PPP1R12A: variants seen among roughly 807,000 people sequenced by gnomAD.
The protein encoded by PPP1R12A is protein phosphatase 1 regulatory subunit 12A.
A neutral mutation model predicts 139.6 loss-of-function variants in PPP1R12A; 19 were observed. That is an observed-to-expected ratio of 0.14 (90% CI 0.09 to 0.20). The LOEUF (loss-of-function observed/expected upper bound fraction) is 0.20. PPP1R12A is among the 10% of genes least tolerant of loss of function. The probability of loss-of-function intolerance (pLI) is 1.00; values close to 1 mark genes in which losing one functional copy is unlikely to be tolerated. For synonymous variants in PPP1R12A, 427 were observed against 420.6 expected (o/e 1.02, Z -0.19); for missense variants, 925 against 1,211.5 (o/e 0.76, Z 3.51).
chr12:79,822,198 G>C lies in PPP1R12A; in HGVS notation c.793-8C>G. On this transcript the variant is annotated splice_polypyrimidine_tract_variant and splice_region_variant and intron_variant, in intron 5 of 24. Transcript: ENST00000450142. ...ATCAAAGGCTGTTTGGCCCTACGTA[G>C]GAAACAAGGGGGGATGGTGATGGTC... The C allele has an allele frequency of 3.2e-6, 5 of 1,565,728 alleles. No homozygotes were observed. Among genetic ancestry groups the C allele is most frequent in the Non-Finnish European group, 4.4e-6 (5 of 1,146,310 alleles).
Position 79,797,360 on chromosome 12 carries a change from T to C in PPP1R12A, c.2127A>G (p.Lys709=), listed in dbSNP as rs557689869. 29 of 1,603,394 alleles carry C rather than the reference T, an allele frequency of 1.8e-5. No homozygotes were observed. In the Admixed American group the frequency reaches 2.6e-4, roughly 14 times the overall value. The change falls in exon 16 of 25, where the codon AAA becomes AAG. Residue 709 remains lysine, a synonymous_variant. Coordinates refer to ENST00000450142, the MANE Select transcript of PPP1R12A (RefSeq NM_002480.3). ...GGGTAGAACGACTTCTTCCTATTGT[T>C]TTCTCAGCTTCTTGAAGATCAGTTA... ...VTLTDLQEAE[K]TIGRSRSTRT... is the part of the protein sequence containing the mutation.
At chr12:79,850,515 T>TG (rs1438426941) in intron 2 of PPP1R12A, among the ~76,000 whole-genome samples, 1 of 152,216 alleles carries the variant, frequency 6.6e-6, no homozygotes, top group Non-Finnish European at 1.5e-5. Flanking sequence ...AGAAAAACTT[T>TG]GTCTTTAAAC....
chr12:79,798,803 T>C (rs1474286732), intron 14 of PPP1R12A, among the ~76,000 whole-genome samples: 1 of 152,158 alleles, frequency 6.6e-6, no homozygotes, highest in Non-Finnish European at 1.5e-5. Flanking sequence ...AACATCACAT[T>C]TTAACTTCCT....
intron 5 of PPP1R12A, chr12:79,824,034 T>C (rs1876468473): frequency 1.3e-5 from 2 of 152,220 alleles, no homozygotes; most frequent in Admixed American, 6.5e-5. Context: ...AGAGACAATC[T>C]ATCCTTTCCC....
intron 3 of PPP1R12A, among the ~76,000 whole-genome samples, chr12:79,843,038 C>T (rs1240756568): frequency 6.6e-6 from 1 of 152,046 alleles, no homozygotes; most frequent in Non-Finnish European, 1.5e-5. Context: ...TATGTAGAAT[C>T]ATTTGTTTTT....
intron 2 of PPP1R12A, among the ~76,000 whole-genome samples, chr12:79,861,915 C>A (rs1206182695): frequency 6.6e-6 from 1 of 152,210 alleles, no homozygotes; most frequent in East Asian, 1.9e-4. Context: ...CAGACAGCTT[C>A]TCCAGACTTA....
intron 2 of PPP1R12A, 106 bp downstream of exon 2, chr12:79,872,702 G>A (rs1004728743): frequency 1.7e-6 from 2 of 1,201,890 alleles, no homozygotes; most frequent in African/African-American, 3.1e-5. Flanking sequence ...TAATTTTCAT[G>A]AATTAAAGTA....
intron 1 of PPP1R12A, among the ~76,000 whole-genome samples, chr12:79,885,884 T>C (rs1024781727): frequency 3.9e-5 from 6 of 152,174 alleles, no homozygotes; most frequent in Non-Finnish European, 7.3e-5. Context: ...TTGTTAGAGA[T>C]AGTGTCTCAC....
Position 79,873,083 on chromosome 12 carries a change from C to A in PPP1R12A, c.238-145G>T, listed in dbSNP as rs1201209115. Reference sequence around the variant, plus strand: ...ATCTGCTGCTATCTTGACTATACTCCATCAAACATGCTAATGACACTAAAT... The same window carrying A: ...ATCTGCTGCTATCTTGACTATACTCAATCAAACATGCTAATGACACTAAAT... On this transcript the variant is annotated intron_variant, in intron 1 of 24. Coordinates refer to ENST00000450142, the MANE Select transcript of PPP1R12A (RefSeq NM_002480.3). 1.2e-5 allele frequency: 11 copies of A among 935,012 alleles called. No individual in the cohort carries two copies. The East Asian group carries it at 2.9e-4, about 25-fold the overall frequency. The allele number at this position is 935,012 out of a possible 1,614,324, so 57.9% of individuals were successfully genotyped here.
intron 24 of PPP1R12A, chr12:79,777,641 T>C (rs999917854): frequency 1.0e-6 from 1 of 984,648 alleles, no homozygotes; most frequent in Non-Finnish European, 1.2e-6. Flanking sequence ...TTTGCTTTAT[T>C]TGGTGCAGGT....
chr12:79,817,180 G>A (rs1875509952), intron 9 of PPP1R12A, among the ~76,000 whole-genome samples: 1 of 151,924 alleles, frequency 6.6e-6, no homozygotes, highest in African/African-American at 2.4e-5. Flanking sequence ...ACTACCAACT[G>A]TAATATCAAC....
intron 3 of PPP1R12A, among the ~76,000 whole-genome samples, chr12:79,836,374 C>A (rs1878083703): frequency 6.6e-6 from 1 of 152,024 alleles, no homozygotes; most frequent in Admixed American, 6.6e-5. Flanking sequence ...TTTTATCCCT[C>A]CTTTCATTAC....
At chr12:79,817,551 C>A in intron 8 of PPP1R12A, 33 bp from the exon 9 acceptor site, 1 of 1,542,348 alleles carries the variant, frequency 6.5e-7, no homozygotes, top group African/African-American at 1.4e-5. Context: ...AGTCAAGATT[C>A]CATATATATT....
At chr12:79,799,157 G>GT (rs532142886) in intron 14 of PPP1R12A, among the ~76,000 whole-genome samples, 63 of 150,338 alleles carry the variant, frequency 4.2e-4, no homozygotes, top group East Asian at 4.1e-3. Context: ...TGTTTGTTTT[G>GT]TTTTTTTTTG....
chr12:79,846,195 T>G (rs1048717281), intron 2 of PPP1R12A, among the ~76,000 whole-genome samples: 1 of 152,242 alleles, frequency 6.6e-6, no homozygotes, highest in African/African-American at 2.4e-5. Context: ...ACAAATATAT[T>G]TTTTAAATAT....
chr12:79,827,089 G>T (rs567060833), intron 5 of PPP1R12A, among the ~76,000 whole-genome samples: 49 of 152,158 alleles, frequency 3.2e-4, no homozygotes, highest in Non-Finnish European at 6.8e-4. Flanking sequence ...CCTTTTACTT[G>T]AATAGTATCA....
intron 1 of PPP1R12A, among the ~76,000 whole-genome samples, chr12:79,882,909 C>T (rs12322845): frequency 0.11 from 16,843 of 151,994 alleles, 1,762 homozygotes; most frequent in African/African-American, 0.27. Flanking sequence ...GAGGCCGAGG[C>T]GGGAGGATCA....
At chr12:79,853,102 A>G (rs929006888) in intron 2 of PPP1R12A, among the ~76,000 whole-genome samples, 5 of 152,204 alleles carry the variant, frequency 3.3e-5, no homozygotes, top group Non-Finnish European at 7.3e-5. Context: ...CAGCTTGGTG[A>G]GGATGGAAAT....
chr12:79,791,467 C>G (rs1592618531), intron 19 of PPP1R12A, among the ~76,000 whole-genome samples: 1 of 152,238 alleles, frequency 6.6e-6, no homozygotes, highest in Admixed American at 6.5e-5. Context: ...GCTGGGACTA[C>G]AGGCATGCAC....
Sources: allele counts gnomAD v4.1 joint callset (sites outside exome capture counted in the v4.1 genomes callset), GRCh38; gene constraint gnomAD v4.1.1; transcripts MANE v1.5; gene names NCBI Gene and HGNC (gene_info 2026-07-23, HGNC 2026-07-21).